Variants in KIF13B observed in about 807,000 individuals in gnomAD.
KIF13B encodes the protein kinesin-like protein KIF13B.
KIF13B carries 127 observed loss-of-function variants against 222.0 expected under a neutral mutation model. That is an observed-to-expected ratio of 0.57 (90% confidence interval 0.50 to 0.66). The LOEUF (loss-of-function observed/expected upper bound fraction) is 0.66, where lower values mean the gene tolerates loss of function less well. Ranked by LOEUF, KIF13B falls within the 30% of genes least tolerant of loss-of-function variation. The probability of loss-of-function intolerance (pLI) is 0.00; values close to 1 mark genes in which losing one functional copy is unlikely to be tolerated. For synonymous variants in KIF13B, 976 were observed against 919.0 expected (o/e 1.06, Z -1.12); for missense variants, 2,173 against 2,379.0 (o/e 0.91, Z 1.80).
At chr8:29,165,015 T>C (rs1223939932) in intron 12 of KIF13B, among the ~76,000 whole-genome samples, 1 of 152,166 alleles carries the variant, frequency 6.6e-6, no homozygotes, top group Non-Finnish European at 1.5e-5. Context: ...GCCTAGCTAA[T>C]TTTTGTGTTT....
At chr8:29,131,911 C>A (rs942748172) in intron 23 of KIF13B, among the ~76,000 whole-genome samples, 1 of 152,158 alleles carries the variant, frequency 6.6e-6, no homozygotes, top group Non-Finnish European at 1.5e-5. Context: ...ATAGTAACCT[C>A]TATAAATGGC....
chr8:29,165,104 T>C (rs2130144501), intron 12 of KIF13B, among the ~76,000 whole-genome samples: 1 of 152,304 alleles, frequency 6.6e-6, no homozygotes, highest in East Asian at 1.9e-4. Flanking sequence ...TGTCTTGGCC[T>C]TCCAAAATGC....
intron 2 of KIF13B, among the ~76,000 whole-genome samples, chr8:29,228,716 G>A (rs2130572890): frequency 6.6e-6 from 1 of 152,078 alleles, no homozygotes; most frequent in East Asian, 1.9e-4. Flanking sequence ...AGGAACAGGT[G>A]GCATGACCAA....
chr8:29,140,899 T>C (rs2129930774), intron 19 of KIF13B, among the ~76,000 whole-genome samples: 1 of 152,272 alleles, frequency 6.6e-6, no homozygotes. Context: ...CTATTCTCCT[T>C]TACATGGAAA....
chr8:29,182,104 G>T, intron 6 of KIF13B, 98 bp from the exon 7 acceptor site: 1 of 855,118 alleles, frequency 1.2e-6, no homozygotes, highest in Non-Finnish European at 1.8e-6. Flanking sequence ...ATCCAAGAAA[G>T]ACCCCAAATA....
intron 37 of KIF13B, among the ~76,000 whole-genome samples, chr8:29,091,515 A>C (rs1808299594): frequency 6.6e-6 from 1 of 152,254 alleles, no homozygotes; most frequent in African/African-American, 2.4e-5. Context: ...TGCAGATTAC[A>C]AGGTCTCTCC....
At position 29,239,651 on chromosome 8, in the gene KIF13B, T is replaced by C. The variant is rs573223501; in HGVS notation, c.149+5695A>G. Among the ~76,000 whole-genome samples the C allele has an allele frequency of 1.5e-4, 23 of 152,022 alleles. 1 individual carries two copies. The highest frequency in any genetic ancestry group is 5.1e-4 in the African/African-American group (21 of 41,464). Reference sequence around the variant, plus strand: ...CTCAACATTACACAATATACCCTTGTTTTTTTTGTTTGTTTGCTTGTTTTG... The same window carrying C: ...CTCAACATTACACAATATACCCTTGCTTTTTTTGTTTGTTTGCTTGTTTTG... On this transcript the variant is annotated intron_variant, in intron 2 of 39. Transcript: ENST00000524189.
chr8:29,195,186 T>C (rs1009464069), intron 3 of KIF13B, among the ~76,000 whole-genome samples: 3 of 152,048 alleles, frequency 2.0e-5, no homozygotes, highest in Non-Finnish European at 4.4e-5. Flanking sequence ...AGGCAAAGAT[T>C]GCAGTGAGCC....
chr8:29,155,464 G>C (rs527577927), intron 14 of KIF13B, among the ~76,000 whole-genome samples: 2 of 152,186 alleles, frequency 1.3e-5, no homozygotes, highest in African/African-American at 4.8e-5. Flanking sequence ...GCTGTGGTGA[G>C]TGAACCAGGA....
chr8:29,110,717 C>CAAA (rs1809317023), intron 32 of KIF13B: 1 of 152,252 alleles, frequency 6.6e-6, no homozygotes, highest in Non-Finnish European at 1.5e-5. Context: ...ATCCCCAATC[C>CAAA]TGGGATGTGA....
intron 10 of KIF13B, among the ~76,000 whole-genome samples, chr8:29,172,733 G>A (rs922027007): frequency 3.9e-5 from 6 of 152,078 alleles, no homozygotes; most frequent in African/African-American, 1.2e-4. Context: ...TCTGACCACT[G>A]GGAACACCAC....
chr8:29,118,152 C>T (rs181643162), intron 30 of KIF13B, among the ~76,000 whole-genome samples: 4 of 149,318 alleles, frequency 2.7e-5, no homozygotes, highest in Non-Finnish European at 4.4e-5. Flanking sequence ...AGCAAGACTC[C>T]ATCTCAATAA....
At chr8:29,104,631 C>T (rs980538154) in intron 35 of KIF13B, among the ~76,000 whole-genome samples, 13 of 152,330 alleles carry the variant, frequency 8.5e-5, no homozygotes, top group Admixed American at 5.2e-4. Context: ...GTTTTCAAGT[C>T]CTTCCATGGT....
At chr8:29,263,114 G>T, upstream of KIF13B, 1 of 1,404,974 alleles carries the variant, frequency 7.1e-7, no homozygotes, top group Non-Finnish European at 9.7e-7. Flanking sequence ...CGGCGGGAGG[G>T]GGCCGGGGGC....
Position 29,072,191 on chromosome 8 carries a change from CG to C in KIF13B, c.4646del (p.Pro1549ArgfsTer13). ...GGGGCCCGTCCTGTGCCTCCGGAGC[CG>C]GGGTGACCGCTGTGACAGCTATGAC... is the stretch of plus-strand genomic sequence containing the variant. ...PPVIAVTAVTPAPEAQDGPPS... is the reference protein window; with the variant it reads ...PPVIAVTAVTXAPEAQDGPPS... On this transcript the variant is annotated frameshift_variant, in exon 39 of 40. Transcript: ENST00000524189. LOFTEE classifies it high-confidence loss of function. The C allele has an allele frequency of 6.9e-7, 1 of 1,444,010 alleles. No individual in the cohort carries two copies. Among genetic ancestry groups the C allele is most frequent in the Admixed American group, 2.8e-5 (1 of 36,122 alleles). The allele number at this position is 1,444,010 out of a possible 1,614,324, so 89.4% of individuals were successfully genotyped here. A position where few individuals can be genotyped will look rare whatever the true frequency, so the allele number is the denominator to read the frequency against.
intron 36 of KIF13B, among the ~76,000 whole-genome samples, chr8:29,095,375 T>G (rs558358190): frequency 6.6e-6 from 1 of 152,302 alleles, no homozygotes; most frequent in African/African-American, 2.4e-5. Context: ...GAGTTCTCTA[T>G]CCAGTGAAAA....
chr8:29,080,903 C>T (rs746220762), intron 37 of KIF13B, among the ~76,000 whole-genome samples: 3 of 152,176 alleles, frequency 2.0e-5, no homozygotes, highest in African/African-American at 7.2e-5. Flanking sequence ...GGATTCTACC[C>T]GCACTCGAAT....
At chr8:29,117,056 T>A in intron 30 of KIF13B, 49 bp from the exon 31 acceptor site, 3 of 1,492,416 alleles carry the variant, frequency 2.0e-6, no homozygotes, top group Non-Finnish European at 1.8e-6. Flanking sequence ...TCCAGAAACA[T>A]GAAAACTCTT....
chr8:29,137,794 G>C (rs1810633608), intron 21 of KIF13B, among the ~76,000 whole-genome samples: 1 of 152,200 alleles, frequency 6.6e-6, no homozygotes, highest in Non-Finnish European at 1.5e-5. Flanking sequence ...AAATACACAA[G>C]ATGAGATCGG....
Sources: allele counts gnomAD v4.1 joint callset (sites outside exome capture counted in the v4.1 genomes callset), GRCh38; gene constraint gnomAD v4.1.1; transcripts MANE v1.5; gene names NCBI Gene and HGNC (gene_info 2026-07-23, HGNC 2026-07-21).